Variants in ZNF793 observed in about 807,000 individuals in gnomAD.
ZNF793 encodes the protein zinc finger protein 793.
ZNF793 carries 5 observed loss-of-function variants against 12.4 expected under a neutral mutation model. That is an observed-to-expected ratio of 0.40 (90% CI 0.21 to 0.84). The LOEUF (loss-of-function observed/expected upper bound fraction) is 0.84. Ranked by LOEUF, ZNF793 falls within the 40% of genes least tolerant of loss-of-function variation. The probability of loss-of-function intolerance (pLI) is 0.35; values close to 1 mark genes in which losing one functional copy is unlikely to be tolerated. For missense variants in ZNF793, 456 were observed against 495.0 expected, an observed-to-expected ratio of 0.92 and a Z score of 0.75; for synonymous variants, 162 against 172.4, an observed-to-expected ratio of 0.94 and a Z score of 0.47.
In ZNF793 at chr19:37,537,543, G is replaced by A. The variant is rs2147115049; in HGVS notation, c.885G>A (p.Lys295=). The A allele has an allele frequency of 6.2e-7, 1 of 1,614,178 alleles. No individual in the cohort carries two copies. Among genetic ancestry groups the A allele is most frequent in the South Asian group, 1.1e-5 (1 of 91,088 alleles). The change falls in exon 8 of 8, where the codon AAG becomes AAA. Residue 295 remains lysine, a synonymous_variant. Coordinates refer to ENST00000627814, the MANE Select transcript of ZNF793 (RefSeq NM_001013659.3). ...CFFCGKAFTQ[K]SHRTEHQRTH... ...TTTGTGGGAAAGCCTTTACCCAGAA[G>A]TCACACCGCACAGAACATCAGAGAA...
At chr19:37,532,123 C>G (rs2042466620) in intron 5 of ZNF793, among the ~76,000 whole-genome samples, 1 of 151,548 alleles carries the variant, frequency 6.6e-6, no homozygotes, top group Admixed American at 6.6e-5. Flanking sequence ...AAGTGATTCT[C>G]CCACCTCAGC....
intron 3 of ZNF793, among the ~76,000 whole-genome samples, chr19:37,521,057 G>A (rs983653661): frequency 6.7e-6 from 1 of 148,492 alleles, no homozygotes; most frequent in South Asian, 2.1e-4. Context: ...GCACATTCTC[G>A]GCTCACTGCA....
chr19:37,517,481 C>T (rs2042341890), intron 2 of ZNF793, among the ~76,000 whole-genome samples: 1 of 150,764 alleles, frequency 6.6e-6, no homozygotes, highest in African/African-American at 2.4e-5. Flanking sequence ...AAAAAATGTG[C>T]ACAGCAAATG....
At chr19:37,520,986 G>C (rs552164141) in intron 3 of ZNF793, among the ~76,000 whole-genome samples, 1 of 151,550 alleles carries the variant, frequency 6.6e-6, no homozygotes, top group African/African-American at 2.4e-5. Context: ...ACCATGCCCG[G>C]CTAATTTTTT....
chr19:37,506,850 GCTTTGAGAAACC>G (rs1363067185), upstream of ZNF793: 1 of 152,212 alleles, frequency 6.6e-6, no homozygotes, highest in Non-Finnish European at 1.5e-5. Flanking sequence ...TCCAATTACA[GCTTTGAGAAACC>G]CAGAATCCTG....
intron 5 of ZNF793, among the ~76,000 whole-genome samples, chr19:37,527,033 T>G (rs1341629717): frequency 6.6e-6 from 1 of 151,984 alleles, no homozygotes; most frequent in African/African-American, 2.4e-5. Context: ...CTGCAACCTC[T>G]GCCTCCCAGG....
chr19:37,507,107 G>A (rs975529830), intron 1 of ZNF793, 141 bp downstream of exon 1: 2 of 152,384 alleles, frequency 1.3e-5, no homozygotes, highest in African/African-American at 4.8e-5. Context: ...GACTGGGTCA[G>A]CTATGGGTGC....
In ZNF793 at chr19:37,537,881, C is replaced by A. The variant is rs1032345463; in HGVS notation, c.*2C>A. Reference sequence around the variant, plus strand: ...TTAATAATTGTGGGAAATACTTGAGCAAAATATCTGGTTTCATGGTATGTA... The same window carrying A: ...TTAATAATTGTGGGAAATACTTGAGAAAAATATCTGGTTTCATGGTATGTA... On this transcript the variant is annotated 3_prime_UTR_variant, in exon 8 of 8. Coordinates refer to ENST00000627814, the MANE Select transcript of ZNF793 (RefSeq NM_001013659.3). 7 of 1,557,728 alleles carry A rather than the reference C, an allele frequency of 4.5e-6. No homozygotes were observed. Among genetic ancestry groups the A allele is most frequent in the Admixed American group, 2.0e-5 (1 of 50,312 alleles).
rs1187587784 is a variant in ZNF793 at position 37,541,223 on chromosome 19, A to C, written c.*3344A>C. 6.6e-6 allele frequency: 1 copy of C among 152,218 alleles called. No individual in the cohort carries two copies. Among genetic ancestry groups the C allele is most frequent in the Non-Finnish European group, 1.5e-5 (1 of 68,042 alleles). The allele number at this position is 152,218 out of a possible 1,614,324, so 9.4% of individuals were successfully genotyped here. A position where few individuals can be genotyped will look rare whatever the true frequency, so the allele number is the denominator to read the frequency against. Reference sequence around the variant, plus strand: ...AACCTTTTAATCTTAAAGGAAGAAAATTTGGATTAACAGCACAAAAATAAA... The same window carrying C: ...AACCTTTTAATCTTAAAGGAAGAAACTTTGGATTAACAGCACAAAAATAAA... On this transcript the variant is annotated 3_prime_UTR_variant, in exon 8 of 8. Transcript: ENST00000627814.
intron 2 of ZNF793, among the ~76,000 whole-genome samples, chr19:37,517,040 T>C (rs2042338114): frequency 6.6e-6 from 1 of 152,160 alleles, no homozygotes; most frequent in African/African-American, 2.4e-5. Flanking sequence ...GAATTGGGGC[T>C]GAGGGAGGAA....
rs565720566 is a variant in ZNF793 at position 37,519,081 on chromosome 19, G to A, written c.-275-1103G>A. Among the ~76,000 whole-genome samples, 7 of 151,912 alleles carry A rather than the reference G, an allele frequency of 4.6e-5. No individual in the cohort carries two copies. The East Asian group carries it at 5.9e-4, about 13-fold the overall frequency. On this transcript the variant is annotated intron_variant, in intron 2 of 7. Coordinates refer to ENST00000627814, the MANE Select transcript of ZNF793 (RefSeq NM_001013659.3). ...GGAGATTGAGACCATCCTGGCTAAC[G>A]CGGTGAAACCCTGTCTCTACTAAAA...
chr19:37,521,618 C>T (rs1298114185), intron 3 of ZNF793, among the ~76,000 whole-genome samples: 1 of 150,728 alleles, frequency 6.6e-6, no homozygotes, highest in Non-Finnish European at 1.5e-5. Context: ...TAATTTTGTA[C>T]TTTTAGTAGA....
Position 37,539,913 on chromosome 19 carries a change from A to G in ZNF793, c.*2034A>G, listed in dbSNP as rs1031883415. On this transcript the variant is annotated 3_prime_UTR_variant, in exon 8 of 8. Transcript: ENST00000627814. ...TTATTTATTATATGGATGTAATACA[A>G]TCCATGAACTGTACTCATTTATTTT... 3 of 152,226 alleles carry G rather than the reference A, an allele frequency of 2.0e-5. No individual in the cohort carries two copies. The highest frequency in any genetic ancestry group is 4.8e-5 in the African/African-American group (2 of 41,448). 9.4% of individuals were successfully genotyped at this position (152,226 alleles called of 1,614,324 possible).
At position 37,537,366 on chromosome 19, in the gene ZNF793, C is replaced by A. The variant is rs1165074610; in HGVS notation, c.708C>A (p.Phe236Leu). The A allele has an allele frequency of 6.2e-7, 1 of 1,612,888 alleles. No homozygotes were observed. The highest frequency in any genetic ancestry group is 1.1e-5 in the South Asian group (1 of 90,928). ...PHVCSECGKA[F>L]CYKSEFIRHQ... ...TCTGTAGTGAGTGTGGGAAAGCCTT[C>A]TGCTACAAGTCTGAATTCATTAGGC... The change falls in exon 8 of 8, where the codon TTC (phenylalanine) becomes TTA (leucine). Residue 236 changes from phenylalanine (F) to leucine (L), a missense_variant. Coordinates refer to ENST00000627814, the MANE Select transcript of ZNF793 (RefSeq NM_001013659.3).
rs1230784519 is a variant in ZNF793, at chr19:37,534,518, GCA to G, written c.238+1127_238+1128del. The G allele has an allele frequency of 6.5e-5, 9 of 138,382 alleles. No homozygotes were observed. In the South Asian group the frequency reaches 1.5e-3, roughly 23 times the overall value. 8.6% of individuals were successfully genotyped at this position (138,382 alleles called of 1,614,324 possible). A position where few individuals can be genotyped will look rare whatever the true frequency, so the allele number is the denominator to read the frequency against. The stretch of plus-strand genomic sequence containing the variant: ...CACACTCACACACACACACACACAC[GCA>G]CACACACACACCACTTCATCTTGCT... On this transcript the variant is annotated intron_variant, in intron 7 of 7. Transcript: ENST00000627814.
intron 5 of ZNF793, among the ~76,000 whole-genome samples, chr19:37,531,029 G>A (rs2042455740): frequency 6.6e-6 from 1 of 152,116 alleles, no homozygotes; most frequent in South Asian, 2.1e-4. Flanking sequence ...ACTTTTCACA[G>A]TTTATTTAGA....
intron 2 of ZNF793, among the ~76,000 whole-genome samples, chr19:37,517,127 G>A (rs1381808003): frequency 2.6e-5 from 4 of 152,140 alleles, no homozygotes; most frequent in Non-Finnish European, 4.4e-5. Flanking sequence ...TTGGCTCTGT[G>A]TGCAGATGGG....
At chr19:37,507,247 AGTGT>A (rs2042257202) in intron 1 of ZNF793, 2 of 152,612 alleles carry the variant, frequency 1.3e-5, no homozygotes, top group Admixed American at 1.3e-4. Context: ...ATGGATTGGG[AGTGT>A]GTGGGAATCA....
intron 4 of ZNF793, among the ~76,000 whole-genome samples, chr19:37,523,106 TG>T (rs1359512659): frequency 6.6e-6 from 1 of 152,178 alleles, no homozygotes; most frequent in East Asian, 1.9e-4. Flanking sequence ...ACTGCAGCTT[TG>T]ACCTCCTAGG....
Sources: gnomAD v4.1 joint callset for allele counts (sites outside exome capture counted in the v4.1 genomes callset) on GRCh38, gnomAD v4.1.1 for gene constraint, MANE v1.5 for transcripts, NCBI Gene and HGNC (gene_info 2026-07-23, HGNC 2026-07-21) for gene names.